Variants in SETX observed in about 807,000 individuals in gnomAD.
SETX encodes the protein senataxin.
In SETX, 90 loss-of-function variants were observed where a neutral mutation model predicts 227.2. The observed-to-expected ratio is 0.40, with a 90% CI of 0.33 to 0.47. The LOEUF is 0.47. Among genes scored for constraint, SETX ranks in the 20% least tolerant of loss-of-function variants. The pLI is 0.91. For synonymous variants in SETX, 1,210 were observed against 1,113.2 expected (o/e 1.09, Z -1.73); for missense variants, 3,052 against 3,181.5 (o/e 0.96, Z 0.98).
intron 10 of SETX, among the ~76,000 whole-genome samples, chr9:132,325,156 A>G (rs1205511098): frequency 1.3e-5 from 2 of 152,112 alleles, no homozygotes; most frequent in Non-Finnish European, 2.9e-5. Context: ...GGAGATTGAG[A>G]CCATCCTGGC....
At chr9:132,342,174 T>C (rs1309349707) in intron 5 of SETX, among the ~76,000 whole-genome samples, 1 of 152,164 alleles carries the variant, frequency 6.6e-6, no homozygotes, top group African/African-American at 2.4e-5. Flanking sequence ...CCACAAAAGG[T>C]GACAAGATCT....
At chr9:132,316,078 A>G (rs1417708902) in intron 10 of SETX, among the ~76,000 whole-genome samples, 3 of 152,152 alleles carry the variant, frequency 2.0e-5, no homozygotes, top group Non-Finnish European at 4.4e-5. Flanking sequence ...CTCCAACTCT[A>G]TATCCTATAA....
Position 132,262,222 on chromosome 9 carries a change from G to A in SETX, c.*2017C>T, listed in dbSNP as rs1842436606. The A allele has an allele frequency of 6.6e-6, 1 of 152,196 alleles. No individual in the cohort carries two copies. Among genetic ancestry groups the A allele is most frequent in the Non-Finnish European group, 1.5e-5 (1 of 68,044 alleles). The allele number at this position is 152,196 out of a possible 1,614,324, so 9.4% of individuals were successfully genotyped here. A position where few individuals can be genotyped will look rare whatever the true frequency, so the allele number is the denominator to read the frequency against. ...TGGAAATAATATTGTTCAGTGTGTG[G>A]CGGCAAAATATGCATTTTAGAGAAA... On this transcript the variant is annotated 3_prime_UTR_variant, in exon 26 of 26. Transcript: ENST00000224140.
chr9:132,305,996 T>C (rs1431106293), intron 11 of SETX, among the ~76,000 whole-genome samples: 3 of 152,166 alleles, frequency 2.0e-5, no homozygotes, highest in Non-Finnish European at 4.4e-5. Context: ...ATTTTGCAAT[T>C]TTTTTGAAAA....
At chr9:132,350,801 A>G (rs1010660662) in intron 2 of SETX, among the ~76,000 whole-genome samples, 8 of 152,258 alleles carry the variant, frequency 5.3e-5, no homozygotes, top group Non-Finnish European at 1.2e-4. Context: ...AAACAAAATC[A>G]AAACTTCTTT....
At chr9:132,325,081 A>G (rs1054020428) in intron 10 of SETX, among the ~76,000 whole-genome samples, 13 of 152,188 alleles carry the variant, frequency 8.5e-5, no homozygotes, top group South Asian at 4.1e-4. Flanking sequence ...TGGCGGCCAG[A>G]CGCAGTGGCT....
At chr9:132,312,730 T>C (rs561089411) in intron 10 of SETX, among the ~76,000 whole-genome samples, 6 of 152,316 alleles carry the variant, frequency 3.9e-5, no homozygotes, top group Admixed American at 1.3e-4. Context: ...ATGATCAGTT[T>C]GTATCACCCA....
chr9:132,283,712 T>C (rs1323611601), intron 18 of SETX, among the ~76,000 whole-genome samples: 1 of 152,248 alleles, frequency 6.6e-6, no homozygotes, highest in African/African-American at 2.4e-5. Context: ...TGTAGTCAGA[T>C]ATATGTAGGT....
intron 5 of SETX, among the ~76,000 whole-genome samples, chr9:132,339,146 G>A (rs188504287): frequency 3.3e-5 from 5 of 152,194 alleles, no homozygotes; most frequent in Admixed American, 1.3e-4. Context: ...ATATAGTCAA[G>A]TTCATCAACT....
chr9:132,296,873 T>G lies in SETX; in HGVS notation c.5949+14A>C. 1 of 1,613,764 alleles carries G rather than the reference T, an allele frequency of 6.2e-7. No individual in the cohort carries two copies. Among genetic ancestry groups the G allele is most frequent in the Non-Finnish European group, 8.5e-7 (1 of 1,179,736 alleles). Reference sequence around the variant, plus strand: ...CAGCTAGTTAACAGCATCAGTGCCCTCACCCATACCTACCTCTGTCAGTAG... The same window carrying G: ...CAGCTAGTTAACAGCATCAGTGCCCGCACCCATACCTACCTCTGTCAGTAG... On this transcript the variant is annotated intron_variant, in intron 14 of 25. Coordinates refer to ENST00000224140, the MANE Select transcript of SETX (RefSeq NM_015046.7).
Position 132,329,417 on chromosome 9 carries a change from A to C in SETX, c.2181T>G (p.Thr727=). 2 of 1,613,784 alleles carry C rather than the reference A, an allele frequency of 1.2e-6. No homozygotes were observed. The highest frequency in any genetic ancestry group is 1.7e-6 in the Non-Finnish European group (2 of 1,179,968). ...ATCCCCTTTCTGGACCATTTCTTGAAGTACAGTCCTTTGGTGTATATGAAG... is the reference window on the plus strand; with the variant it reads ...ATCCCCTTTCTGGACCATTTCTTGACGTACAGTCCTTTGGTGTATATGAAG... ...EISSYTPKDC[T]SRNGPERGCD... is the part of the protein sequence containing the mutation. The change falls in exon 10 of 26, where the codon ACT becomes ACG. Residue 727 remains threonine, a synonymous_variant. Coordinates refer to ENST00000224140, the MANE Select transcript of SETX (RefSeq NM_015046.7).
intron 10 of SETX, among the ~76,000 whole-genome samples, chr9:132,318,730 C>T (rs1045956208): frequency 7.9e-5 from 12 of 152,136 alleles, no homozygotes; most frequent in Admixed American, 6.5e-4. Context: ...GATACAATGC[C>T]ACTCTAATGC....
Position 132,283,400 on chromosome 9 carries a change from G to A in SETX, c.6410C>T (p.Pro2137Leu), listed in dbSNP as rs1843654034. 6.2e-7 allele frequency: 1 copy of A among 1,614,142 alleles called. No homozygotes were observed. The highest frequency in any genetic ancestry group is 8.5e-7 in the Non-Finnish European group (1 of 1,180,010). The part of the protein sequence containing the change: ...ASKIKEVQGR[P>L]QKTQSIIILE... ...GATGATGATACTCTGTGTTTTCTGT[G>A]GGCGTCCTTGAACCTAAGAGAACAA... is the stretch of plus-strand genomic sequence containing the variant. Residue 2137 changes from proline to leucine, a missense_variant, in exon 19 of 26, where the codon CCA becomes CTA. By Grantham distance (98) the Pro-to-Leu change is moderately conservative. This residue lies in a region of SETX where 412 missense variants were observed against 589.0 expected (regional missense o/e 0.70). Coordinates refer to ENST00000224140, the MANE Select transcript of SETX (RefSeq NM_015046.7).
At chr9:132,273,172 T>G (rs553847386) in intron 23 of SETX, among the ~76,000 whole-genome samples, 1 of 152,132 alleles carries the variant, frequency 6.6e-6, no homozygotes, top group Non-Finnish European at 1.5e-5. Flanking sequence ...TGGTTTTTTT[T>G]TTGTTTTGAG....
intron 18 of SETX, among the ~76,000 whole-genome samples, chr9:132,284,345 C>A (rs1210777453): frequency 2.6e-5 from 4 of 152,178 alleles, no homozygotes; most frequent in African/African-American, 9.7e-5. Context: ...TCTGTTTAAT[C>A]AAAAGCTTTC....
chr9:132,281,243 C>G (rs1363522990), intron 20 of SETX, among the ~76,000 whole-genome samples: 1 of 152,156 alleles, frequency 6.6e-6, no homozygotes, highest in East Asian at 1.9e-4. Context: ...TTCCAAGTCC[C>G]TGCCACACTG....
At chr9:132,290,755 G>A (rs1844247400) in intron 15 of SETX, among the ~76,000 whole-genome samples, 1 of 151,994 alleles carries the variant, frequency 6.6e-6, no homozygotes, top group African/African-American at 2.4e-5. Context: ...AATTAGCCAG[G>A]CGTGGTGGCC....
At position 132,264,380 on chromosome 9, in the gene SETX, G is replaced by A; in HGVS notation, c.7893C>T (p.His2631=). The A allele has an allele frequency of 1.2e-6, 2 of 1,614,156 alleles. No homozygotes were observed. The highest frequency in any genetic ancestry group is 1.7e-6 in the Non-Finnish European group (2 of 1,180,034). The change falls in exon 26 of 26, where the codon CAC becomes CAT. Residue 2631 remains histidine, a synonymous_variant. Transcript: ENST00000224140. ...CACTGAAAGCCCTGGCCTCTCTCCT[G>A]TGACAGAGCTCCTCTTCCGGGTCAT... ...KCDDPEEELC[H]RREARAFSEG... is the part of the protein sequence containing the mutation.
chr9:132,319,387 T>C (rs1369418220), intron 10 of SETX, among the ~76,000 whole-genome samples: 1 of 152,220 alleles, frequency 6.6e-6, no homozygotes. Flanking sequence ...CCAGTCTAAA[T>C]GACCAACCAA....
Sources: gnomAD v4.1 joint callset for allele counts (sites outside exome capture counted in the v4.1 genomes callset) on GRCh38, gnomAD v4.1.1 for gene constraint, gnomAD v4.1.1 regional missense constraint, MANE v1.5 for transcripts, NCBI Gene and HGNC (gene_info 2026-07-23, HGNC 2026-07-21) for gene names.